TMEM132D: variants seen among roughly 807,000 people sequenced by gnomAD.
TMEM132D encodes the protein transmembrane protein 132D.
In TMEM132D, 21 loss-of-function variants were observed where a neutral mutation model predicts 62.3. The ratio of observed to expected loss-of-function variants is 0.34; its 90% CI spans 0.24 to 0.49. TMEM132D has a LOEUF of 0.49. TMEM132D is among the 20% of genes least tolerant of loss of function. The pLI, the probability that TMEM132D is intolerant of heterozygous loss-of-function variation, is 0.99. For synonymous variants in TMEM132D, 621 were observed against 575.6 expected (o/e 1.08, Z -1.13); for missense variants, 1,346 against 1,402.8 (o/e 0.96, Z 0.65).
chr12:129,704,482 T>G (rs1046344184), intron 1 of TMEM132D, among the ~76,000 whole-genome samples: 1 of 152,208 alleles, frequency 6.6e-6, no homozygotes, highest in Non-Finnish European at 1.5e-5. Context: ...TGTTCTTCCC[T>G]AACAGAGACA....
Position 129,388,870 on chromosome 12 carries a change from G to A in TMEM132D, c.1116-51053C>T, listed in dbSNP as rs538377146. Among the ~76,000 whole-genome samples the A allele has an allele frequency of 2.8e-3, 191 of 67,830 alleles. 6 individuals are homozygous for A. Among genetic ancestry groups the A allele is most frequent in the Non-Finnish European group, 3.9e-3 (112 of 28,628 alleles). 44.5% of individuals were successfully genotyped at this position (67,830 alleles called of 152,430 possible). On this transcript the variant is annotated intron_variant, in intron 3 of 8. Coordinates refer to ENST00000422113, the MANE Select transcript of TMEM132D (RefSeq NM_133448.3). ...ACACCAACACCAATCCAGCACTGATGATAATATTAACACTAACATGAATCC... is the reference window on the plus strand; with the variant it reads ...ACACCAACACCAATCCAGCACTGATAATAATATTAACACTAACATGAATCC...
intron 3 of TMEM132D, among the ~76,000 whole-genome samples, chr12:129,373,650 A>C (rs1047381657): frequency 6.6e-6 from 1 of 151,114 alleles, no homozygotes; most frequent in Non-Finnish European, 1.5e-5. Flanking sequence ...AAACAAAACA[A>C]AACAAAATAA....
chr12:129,515,397 G>T (rs747064073), intron 3 of TMEM132D, among the ~76,000 whole-genome samples: 1 of 152,102 alleles, frequency 6.6e-6, no homozygotes, highest in Non-Finnish European at 1.5e-5. Context: ...AATTGGTAGG[G>T]CACTACCAAT....
chr12:129,118,847 GA>G (rs1226405373), intron 5 of TMEM132D, among the ~76,000 whole-genome samples: 1 of 152,184 alleles, frequency 6.6e-6, no homozygotes, highest in African/African-American at 2.4e-5. Flanking sequence ...TCAGGCCCTG[GA>G]GGGAAGAACT....
At chr12:129,149,723 C>G (rs1379284125) in intron 5 of TMEM132D, among the ~76,000 whole-genome samples, 2 of 152,196 alleles carry the variant, frequency 1.3e-5, no homozygotes, top group Non-Finnish European at 2.9e-5. Context: ...TCCTGCCTCA[C>G]TCACTCCAAG....
chr12:129,889,011 G>A (rs1014457735), intron 1 of TMEM132D, among the ~76,000 whole-genome samples: 2 of 152,144 alleles, frequency 1.3e-5, no homozygotes, highest in Admixed American at 6.6e-5. Context: ...GAGCTTTGAT[G>A]GAACTAAGAG....
chr12:129,460,824 C>CT (rs898744236), intron 3 of TMEM132D, among the ~76,000 whole-genome samples: 6 of 151,716 alleles, frequency 4.0e-5, no homozygotes, highest in African/African-American at 9.7e-5. Flanking sequence ...TCATCAAGAA[C>CT]TTTTTTTTTC....
At chr12:129,493,085 G>T (rs890239745) in intron 3 of TMEM132D, among the ~76,000 whole-genome samples, 3 of 152,168 alleles carry the variant, frequency 2.0e-5, no homozygotes, top group African/African-American at 4.8e-5. Context: ...AGCTGTACTT[G>T]AAGGTCAACA....
At chr12:129,768,294 T>C (rs1388497616) in intron 1 of TMEM132D, among the ~76,000 whole-genome samples, 1 of 152,158 alleles carries the variant, frequency 6.6e-6, no homozygotes, top group African/African-American at 2.4e-5. Context: ...GGAAATGCCA[T>C]ATTGTTTCCA....
intron 3 of TMEM132D, among the ~76,000 whole-genome samples, chr12:129,366,195 T>C (rs1870407596): frequency 6.6e-6 from 1 of 152,238 alleles, no homozygotes; most frequent in Non-Finnish European, 1.5e-5. Context: ...GGAAAAGCCC[T>C]GTGTTATTGT....
chr12:129,518,194 G>A (rs1875738911), intron 3 of TMEM132D, among the ~76,000 whole-genome samples: 1 of 152,062 alleles, frequency 6.6e-6, no homozygotes, highest in African/African-American at 2.4e-5. Flanking sequence ...TTTCTGTTGT[G>A]AGTTTATAAG....
intron 4 of TMEM132D, among the ~76,000 whole-genome samples, chr12:129,299,432 T>C (rs890138613): frequency 2.0e-5 from 3 of 151,912 alleles, no homozygotes; most frequent in Non-Finnish European, 4.4e-5. Flanking sequence ...TTTTTTTTTT[T>C]TTTTTTGCCA....
intron 3 of TMEM132D, among the ~76,000 whole-genome samples, chr12:129,435,287 A>G (rs1872759780): frequency 6.6e-6 from 1 of 152,204 alleles, no homozygotes; most frequent in South Asian, 2.1e-4. Flanking sequence ...ACTGGAGTGC[A>G]GATAATCCTT....
chr12:129,605,148 AT>A (rs988130634), intron 2 of TMEM132D, among the ~76,000 whole-genome samples: 2 of 151,974 alleles, frequency 1.3e-5, no homozygotes, highest in African/African-American at 4.8e-5. Context: ...CCGGTTTCAG[AT>A]TTTTTTGTCA....
At chr12:129,514,245 GCTGCCACC>G (rs888305241) in intron 3 of TMEM132D, among the ~76,000 whole-genome samples, 1 of 151,944 alleles carries the variant, frequency 6.6e-6, no homozygotes, top group African/African-American at 2.4e-5. Flanking sequence ...TAATTCTATC[GCTGCCACC>G]ACCACCACCA....
intron 2 of TMEM132D, among the ~76,000 whole-genome samples, chr12:129,620,212 G>A (rs1316756990): frequency 6.6e-6 from 1 of 152,176 alleles, no homozygotes; most frequent in Non-Finnish European, 1.5e-5. Context: ...CTGGAGGCTG[G>A]AATTACCGTG....
At chr12:129,249,379 A>G (rs1880206898) in intron 4 of TMEM132D, among the ~76,000 whole-genome samples, 1 of 152,230 alleles carries the variant, frequency 6.6e-6, no homozygotes, top group African/African-American at 2.4e-5. Context: ...ACATACTATT[A>G]TACTATCTGC....
intron 2 of TMEM132D, among the ~76,000 whole-genome samples, chr12:129,693,510 G>A (rs1015458488): frequency 5.9e-5 from 9 of 152,122 alleles, no homozygotes; most frequent in Non-Finnish European, 1.2e-4. Context: ...ATAGCCTTGG[G>A]AGAATGGGAA....
chr12:129,625,165 C>T (rs1040051569), intron 2 of TMEM132D, among the ~76,000 whole-genome samples: 1 of 152,162 alleles, frequency 6.6e-6, no homozygotes, highest in South Asian at 2.1e-4. Flanking sequence ...CTGAGCTTGC[C>T]TATTCATACC....
Sources: gnomAD v4.1 joint callset for allele counts (sites outside exome capture counted in the v4.1 genomes callset) on GRCh38, gnomAD v4.1.1 for gene constraint, MANE v1.5 for transcripts, NCBI Gene and HGNC (gene_info 2026-07-23, HGNC 2026-07-21) for gene names.